COG2: variants seen among roughly 807,000 people sequenced by gnomAD.
The protein encoded by COG2 is component of oligomeric golgi complex 2.
Under a neutral mutation model 90.6 loss-of-function variants are expected in COG2, and 52 were observed. The ratio of observed to expected loss-of-function variants is 0.57; its 90% confidence interval spans 0.46 to 0.72. COG2 has a LOEUF of 0.72. Ranked by LOEUF, COG2 falls within the 30% of genes least tolerant of loss-of-function variation. The pLI, the probability that COG2 is intolerant of heterozygous loss-of-function variation, is 0.00. For synonymous variants in COG2, 337 were observed against 320.4 expected, an observed-to-expected ratio of 1.05 and a Z score of -0.55; for missense variants, 829 against 891.2, an observed-to-expected ratio of 0.93 and a Z score of 0.89.
chr1:230,662,455 CTT>C (rs936869846), intron 3 of COG2, among the ~76,000 whole-genome samples: 2 of 151,960 alleles, frequency 1.3e-5, no homozygotes, highest in Non-Finnish European at 2.9e-5. Flanking sequence ...TTTTCCATTA[CTT>C]TCATTTTGGC....
intron 8 of COG2, among the ~76,000 whole-genome samples, chr1:230,672,141 C>A (rs1558274619): frequency 6.6e-6 from 1 of 152,106 alleles, no homozygotes; most frequent in Non-Finnish European, 1.5e-5. Flanking sequence ...ATCTGCTGTC[C>A]ACAATAATAG....
At chr1:230,653,705 G>A (rs1168981392) in intron 1 of COG2, among the ~76,000 whole-genome samples, 2 of 152,132 alleles carry the variant, frequency 1.3e-5, no homozygotes, top group African/African-American at 4.8e-5. Context: ...AGTTTATGTG[G>A]CTCACAGTTT....
chr1:230,660,783 A>T lies in COG2; in HGVS notation c.260A>T (p.Gln87Leu), dbSNP rs750707744. The change falls in exon 3 of 18, where the codon CAG (glutamine) becomes CTG (leucine). Residue 87 changes from glutamine to leucine, a missense_variant. Gln to Leu is a moderately radical substitution (Grantham distance 113). Coordinates refer to ENST00000366669, the MANE Select transcript of COG2 (RefSeq NM_007357.3). ...GTTGGCATGGACAAAGCCCTCAACC[A>T]GCTTTCTGTGCCTTTGGGACAATTA... The part of the protein sequence containing the change: ...NLVGMDKALN[Q>L]LSVPLGQLRE... 1.3e-6 allele frequency: 2 copies of T among 1,588,108 alleles called. No homozygotes were observed. Among genetic ancestry groups the T allele is most frequent in the Non-Finnish European group, 1.7e-6 (2 of 1,168,932 alleles).
chr1:230,649,041 T>C (rs1661852569), intron 1 of COG2, among the ~76,000 whole-genome samples: 1 of 152,210 alleles, frequency 6.6e-6, no homozygotes. Context: ...CTTTGCCTTC[T>C]CGTAAATACA....
chr1:230,659,581 A>T lies in COG2; in HGVS notation c.190A>T (p.Ile64Phe). Residue 64 changes from isoleucine to phenylalanine, a missense_variant, in exon 2 of 18, where the codon ATC becomes TTC. Coordinates refer to ENST00000366669, the MANE Select transcript of COG2 (RefSeq NM_007357.3). Reference protein sequence around the residue: ...KLLKTAMVELINKDYADFVNL... With the variant: ...KLLKTAMVELFNKDYADFVNL... ...TCTTAAAACAGCCATGGTCGAACTC[A>T]TCAACAAGGATTATGCAGATTTTGT... 6.2e-7 allele frequency: 1 copy of T among 1,614,086 alleles called. No individual in the cohort carries two copies. The highest frequency in any genetic ancestry group is 1.3e-5 in the African/African-American group (1 of 75,072).
chr1:230,679,331 C>T (rs988294447), intron 10 of COG2: 2 of 276,578 alleles, frequency 7.2e-6, no homozygotes, highest in Non-Finnish European at 1.3e-5. Flanking sequence ...TTCCCACCCA[C>T]CATGTCCTCA....
intron 4 of COG2, among the ~76,000 whole-genome samples, chr1:230,663,948 A>T (rs1382169721): frequency 6.6e-6 from 1 of 152,214 alleles, no homozygotes; most frequent in Non-Finnish European, 1.5e-5. Context: ...GTAGTTTAAG[A>T]GGCTGAGGCA....
intron 1 of COG2, among the ~76,000 whole-genome samples, chr1:230,656,254 A>G (rs761746945): frequency 3.9e-5 from 6 of 152,108 alleles, no homozygotes; most frequent in Non-Finnish European, 8.8e-5. Flanking sequence ...AGTGCTATAA[A>G]GTTCCCTCTA....
At chr1:230,664,354 A>G (rs1662262571) in intron 4 of COG2, 130 bp from the exon 5 acceptor site, 2 of 417,746 alleles carry the variant, frequency 4.8e-6, no homozygotes, top group South Asian at 2.0e-4. Context: ...TAGAAATACT[A>G]AAAATATAGA....
intron 7 of COG2, chr1:230,670,768 C>T (rs1662428338): frequency 6.6e-6 from 1 of 152,110 alleles, no homozygotes; most frequent in African/African-American, 2.4e-5. Flanking sequence ...AGGTACACAC[C>T]ACCATGCCTG....
chr1:230,665,293 T>A (rs1662293609), intron 5 of COG2, among the ~76,000 whole-genome samples: 1 of 152,204 alleles, frequency 6.6e-6, no homozygotes, highest in African/African-American at 2.4e-5. Flanking sequence ...CATATAAGGC[T>A]AATAGGAACT....
intron 1 of COG2, among the ~76,000 whole-genome samples, chr1:230,645,311 G>A (rs1191219781): frequency 6.6e-6 from 1 of 151,380 alleles, no homozygotes; most frequent in Admixed American, 6.6e-5. Context: ...GAATTAGGAT[G>A]TAAGATACTG....
rs777262276 is a variant in COG2, at chr1:230,671,653, A to G, written c.899+13A>G. 5.0e-6 allele frequency: 8 copies of G among 1,611,394 alleles called. No individual in the cohort carries two copies. The highest frequency in any genetic ancestry group is 8.5e-7 in the Non-Finnish European group (1 of 1,178,924). ...GTGCCATCTCCAGGTAATTTAAACA[A>G]CCCTGTGTGGACCCCCACCTCCCTT... On this transcript the variant is annotated intron_variant, in intron 8 of 17. Coordinates refer to ENST00000366669, the MANE Select transcript of COG2 (RefSeq NM_007357.3).
intron 15 of COG2, among the ~76,000 whole-genome samples, chr1:230,689,766 G>A (rs1443810925): frequency 1.3e-5 from 2 of 152,210 alleles, no homozygotes; most frequent in Admixed American, 1.3e-4. Flanking sequence ...GTGGGTGGCT[G>A]TGCCAGCCAG....
chr1:230,656,718 C>G (rs1437561606), intron 1 of COG2, among the ~76,000 whole-genome samples: 2 of 152,144 alleles, frequency 1.3e-5, no homozygotes, highest in East Asian at 3.8e-4. Context: ...GTCTAAGTCT[C>G]TTTGTAGGTC....
chr1:230,663,522 G>C (rs1282782695), intron 4 of COG2, among the ~76,000 whole-genome samples: 1 of 152,098 alleles, frequency 6.6e-6, no homozygotes, highest in Non-Finnish European at 1.5e-5. Flanking sequence ...TCCCTTCTCA[G>C]CTTTTGTCCA....
chr1:230,690,237 T>C (rs1662992762), intron 16 of COG2, 84 bp downstream of exon 16: 5 of 1,211,316 alleles, frequency 4.1e-6, no homozygotes, highest in Non-Finnish European at 5.9e-6. Flanking sequence ...GCACTGCGTA[T>C]GGATAAGGCA....
At chr1:230,657,919 G>T (rs372173037) in intron 1 of COG2, among the ~76,000 whole-genome samples, 1 of 151,950 alleles carries the variant, frequency 6.6e-6, no homozygotes, top group Non-Finnish European at 1.5e-5. Flanking sequence ...GCTCCGTCAG[G>T]TCATTTATAT....
chr1:230,661,748 A>G (rs1662184243), intron 3 of COG2, among the ~76,000 whole-genome samples: 1 of 152,202 alleles, frequency 6.6e-6, no homozygotes, highest in Admixed American at 6.5e-5. Flanking sequence ...GCAGGCAAGA[A>G]ATAATTCTTA....
Sources: allele counts gnomAD v4.1 joint callset (sites outside exome capture counted in the v4.1 genomes callset), GRCh38; gene constraint gnomAD v4.1.1; transcripts MANE v1.5; gene names NCBI Gene and HGNC (gene_info 2026-07-23, HGNC 2026-07-21).